The following STX8 variants were observed in gnomAD, a reference collection of about 807,000 sequenced individuals.
STX8 encodes the protein syntaxin 8.
In STX8, 23 loss-of-function variants were observed where a neutral mutation model predicts 37.5. The ratio of observed to expected loss-of-function variants is 0.61; its 90% CI spans 0.44 to 0.87. The LOEUF is 0.87. STX8 is among the 40% of genes least tolerant of loss of function. The probability of loss-of-function intolerance (pLI) is 0.00; values close to 1 mark genes in which losing one functional copy is unlikely to be tolerated. For synonymous variants in STX8, 115 were observed against 99.1 expected (o/e 1.16, Z -0.95); for missense variants, 313 against 284.7 (o/e 1.10, Z -0.71).
intron 4 of STX8, among the ~76,000 whole-genome samples, chr17:9,539,095 A>G (rs1374839547): frequency 6.6e-6 from 1 of 152,166 alleles, no homozygotes; most frequent in Non-Finnish European, 1.5e-5. Flanking sequence ...GCTTTAGAAT[A>G]ATGACCAGTA....
chr17:9,364,653 C>A (rs1344201835), intron 7 of STX8, among the ~76,000 whole-genome samples: 2 of 152,052 alleles, frequency 1.3e-5, no homozygotes, highest in East Asian at 3.9e-4. Flanking sequence ...GCCTCAGCCT[C>A]CTGAGTAGCT....
At chr17:9,559,176 A>T (rs1421467034) in intron 2 of STX8, among the ~76,000 whole-genome samples, 2 of 152,150 alleles carry the variant, frequency 1.3e-5, no homozygotes, top group Non-Finnish European at 2.9e-5. Context: ...ATCAGGAAAA[A>T]ATGTCATTAT....
intron 6 of STX8, among the ~76,000 whole-genome samples, chr17:9,408,145 T>C (rs1902107375): frequency 6.6e-6 from 1 of 152,194 alleles, no homozygotes; most frequent in Non-Finnish European, 1.5e-5. Flanking sequence ...TTATGATTTA[T>C]GGGGCATGAC....
intron 6 of STX8, among the ~76,000 whole-genome samples, chr17:9,394,225 T>C (rs1448892833): frequency 1.3e-5 from 2 of 152,078 alleles, no homozygotes; most frequent in South Asian, 2.1e-4. Context: ...GTGTCAACCA[T>C]GCTAAGCGCG....
intron 7 of STX8, among the ~76,000 whole-genome samples, chr17:9,252,435 C>T (rs1223156291): frequency 2.0e-5 from 3 of 149,070 alleles, no homozygotes; most frequent in Admixed American, 6.6e-5. Context: ...CAGAGCAAGA[C>T]TCTGTCTCAA....
At chr17:9,465,695 C>T (rs1015406057) in intron 6 of STX8, among the ~76,000 whole-genome samples, 1 of 152,262 alleles carries the variant, frequency 6.6e-6, no homozygotes, top group Admixed American at 6.5e-5. Flanking sequence ...TATGCGGTAT[C>T]GGATCACTCG....
At chr17:9,485,156 G>A (rs2142462486) in intron 6 of STX8, among the ~76,000 whole-genome samples, 1 of 152,092 alleles carries the variant, frequency 6.6e-6, no homozygotes, top group South Asian at 2.1e-4. Flanking sequence ...TCTGTGTTCT[G>A]AAGACAACAC....
chr17:9,297,254 A>G (rs1597590081), intron 7 of STX8, among the ~76,000 whole-genome samples: 2 of 151,650 alleles, frequency 1.3e-5, no homozygotes, highest in African/African-American at 2.4e-5. Context: ...AAAAAAAAAA[A>G]AAAGAAAAAA....
At chr17:9,402,708 T>C (rs1912666275) in intron 6 of STX8, among the ~76,000 whole-genome samples, 1 of 141,790 alleles carries the variant, frequency 7.1e-6, no homozygotes, top group Non-Finnish European at 1.5e-5. Flanking sequence ...CTTCAATACC[T>C]ACTCTGCACT....
intron 7 of STX8, among the ~76,000 whole-genome samples, chr17:9,375,178 A>C (rs1346070922): frequency 6.6e-6 from 1 of 152,068 alleles, no homozygotes; most frequent in African/African-American, 2.4e-5. Flanking sequence ...GTGGCAGATA[A>C]TATATACATA....
At chr17:9,346,688 G>C (rs528789328) in intron 7 of STX8, among the ~76,000 whole-genome samples, 1 of 152,322 alleles carries the variant, frequency 6.6e-6, no homozygotes, top group Admixed American at 6.5e-5. Context: ...AGGCCAGGAA[G>C]CAAAGAGACT....
At chr17:9,415,018 TG>T (rs1913135421) in intron 6 of STX8, among the ~76,000 whole-genome samples, 2 of 152,010 alleles carry the variant, frequency 1.3e-5, no homozygotes, top group African/African-American at 4.8e-5. Flanking sequence ...CTTGAACTCC[TG>T]ACCTCAGGTG....
chr17:9,301,432 G>T (rs933351028), intron 7 of STX8, among the ~76,000 whole-genome samples: 1 of 151,386 alleles, frequency 6.6e-6, no homozygotes, highest in African/African-American at 2.4e-5. Flanking sequence ...AGATTAATTT[G>T]GCTTGGGCAC....
intron 7 of STX8, among the ~76,000 whole-genome samples, chr17:9,343,422 G>T (rs1039114027): frequency 2.3e-5 from 1 of 43,766 alleles, no homozygotes; most frequent in Non-Finnish European, 5.3e-5. Context: ...ACTGATCATT[G>T]TAACTGTTTT....
At chr17:9,250,739 G>A in intron 7 of STX8, 94 bp from the exon 8 acceptor site, 1 of 1,274,568 alleles carries the variant, frequency 7.8e-7, no homozygotes, top group Non-Finnish European at 1.1e-6. Context: ...GAGGGATGTA[G>A]TTCCCTCTGA....
At chr17:9,286,336 C>G (rs1908070465) in intron 7 of STX8, among the ~76,000 whole-genome samples, 1 of 152,186 alleles carries the variant, frequency 6.6e-6, no homozygotes, top group Admixed American at 6.5e-5. Flanking sequence ...TATCAGGGCA[C>G]AACACACACA....
At chr17:9,332,695 C>T (rs932537526) in intron 7 of STX8, among the ~76,000 whole-genome samples, 1 of 152,218 alleles carries the variant, frequency 6.6e-6, no homozygotes, top group African/African-American at 2.4e-5. Context: ...AGAGTCTCTA[C>T]ATCCAGAGGG....
In STX8 at chr17:9,279,061, GTT is replaced by G. The variant is rs1479426591; in HGVS notation, c.644-28418_644-28417del. 7.1e-5 allele frequency among the ~76,000 whole-genome samples: 7 copies of G among 98,394 alleles called. No homozygotes were observed. In the Middle Eastern group the frequency reaches 0.013, roughly 185 times the overall value. 64.6% of individuals were successfully genotyped at this position (98,394 alleles called of 152,430 possible). Reference sequence around the variant, plus strand: ...TTATTATTCTGTGTGTGTGTTTTTTGTTTTTTGTTTTTTTTTTTTGAGATGGG... The same window carrying G: ...TTATTATTCTGTGTGTGTGTTTTTTGTTTTGTTTTTTTTTTTTGAGATGGG... On this transcript the variant is annotated intron_variant, in intron 7 of 7. Coordinates refer to ENST00000306357, the MANE Select transcript of STX8 (RefSeq NM_004853.3).
chr17:9,356,204 C>T (rs1465954102), intron 7 of STX8, among the ~76,000 whole-genome samples: 1 of 152,146 alleles, frequency 6.6e-6, no homozygotes, highest in Non-Finnish European at 1.5e-5. Flanking sequence ...TCCAGTAGCT[C>T]AGTGTGACAA....
Sources: gnomAD v4.1 joint callset for allele counts (sites outside exome capture counted in the v4.1 genomes callset) on GRCh38, gnomAD v4.1.1 for gene constraint, MANE v1.5 for transcripts, NCBI Gene and HGNC (gene_info 2026-07-23, HGNC 2026-07-21) for gene names.